Variants in MTMR3 observed in about 807,000 individuals in gnomAD.
The protein encoded by MTMR3 is phosphatidylinositol-3,5-bisphosphate 3-phosphatase MTMR3.
A neutral mutation model predicts 132.4 loss-of-function variants in MTMR3; 32 were observed. That is an observed-to-expected ratio of 0.24 (90% CI 0.18 to 0.32). The LOEUF (loss-of-function observed/expected upper bound fraction) is 0.32, where lower values mean the gene tolerates loss of function less well. Among genes scored for constraint, MTMR3 ranks in the 10% least tolerant of loss-of-function variants. The probability of loss-of-function intolerance (pLI) is 1.00; values close to 1 mark genes in which losing one functional copy is unlikely to be tolerated. For missense variants in MTMR3, 1,216 were observed against 1,489.6 expected (o/e 0.82, Z 3.02); for synonymous variants, 556 against 550.3 (o/e 1.01, Z -0.14).
At chr22:29,969,427 C>T (rs1177527930) in intron 2 of MTMR3, among the ~76,000 whole-genome samples, 1 of 152,198 alleles carries the variant, frequency 6.6e-6, no homozygotes, top group East Asian at 1.9e-4. Flanking sequence ...TATATTGTCT[C>T]TTGCTGGGGT....
At chr22:29,949,509 C>CCAAAA (rs1555902916) in intron 1 of MTMR3, among the ~76,000 whole-genome samples, 1 of 124,582 alleles carries the variant, frequency 8.0e-6, no homozygotes, top group African/African-American at 3.1e-5. Context: ...CGCCCCCCCC[C>CCAAAA]AAAAAAAAAA....
chr22:30,002,805 GTC>G (rs534905247), intron 8 of MTMR3, 73 bp from the exon 9 acceptor site: 2,678 of 1,076,242 alleles, frequency 2.5e-3, no homozygotes, highest in South Asian at 3.2e-3. Context: ...CTCACCTAGT[GTC>G]TCTCTCTCTC....
chr22:29,939,538 C>T (rs1453925058), intron 1 of MTMR3, among the ~76,000 whole-genome samples: 3 of 152,160 alleles, frequency 2.0e-5, no homozygotes, highest in African/African-American at 7.2e-5. Flanking sequence ...TGCTTGTTTT[C>T]CCAGTGGGTG....
At chr22:29,965,683 T>C (rs1042059340) in intron 2 of MTMR3, among the ~76,000 whole-genome samples, 1 of 152,144 alleles carries the variant, frequency 6.6e-6, no homozygotes, top group Non-Finnish European at 1.5e-5. Flanking sequence ...AGACTCTGTC[T>C]CAAAAACAAA....
At chr22:29,995,201 T>C (rs1024783887) in intron 7 of MTMR3, 2 of 152,298 alleles carry the variant, frequency 1.3e-5, no homozygotes, top group Admixed American at 1.3e-4. Context: ...TGCCTATTTA[T>C]CTGTCTTCCG....
chr22:29,931,045 C>G (rs2065633997), intron 1 of MTMR3, among the ~76,000 whole-genome samples: 1 of 151,314 alleles, frequency 6.6e-6, no homozygotes, highest in Non-Finnish European at 1.5e-5. Flanking sequence ...TAAAAATGAC[C>G]TAACTTTGAG....
chr22:29,998,727 T>G, intron 7 of MTMR3, 34 bp from the exon 8 acceptor site: 1 of 1,546,272 alleles, frequency 6.5e-7, no homozygotes, highest in Non-Finnish European at 8.8e-7. Context: ...TGGTATTCAT[T>G]TCTTCCTTTC....
intron 7 of MTMR3, chr22:29,993,914 GA>G (rs1456674648): frequency 6.3e-6 from 1 of 158,374 alleles, no homozygotes; most frequent in Non-Finnish European, 1.4e-5. Context: ...ACTGACTTAG[GA>G]ATTAGGAAAC....
intron 1 of MTMR3, among the ~76,000 whole-genome samples, chr22:29,924,208 A>G (rs949793090): frequency 5.3e-5 from 8 of 152,212 alleles, no homozygotes; most frequent in African/African-American, 1.9e-4. Flanking sequence ...TTTTTAAATT[A>G]ACTCATGTTA....
At chr22:29,991,449 C>G (rs761500725) in intron 6 of MTMR3, 55 bp from the exon 7 acceptor site, 143 of 1,503,026 alleles carry the variant, frequency 9.5e-5, no homozygotes, top group Non-Finnish European at 1.2e-4. Context: ...GCTTTTCTTA[C>G]ATTTCATTTC....
intron 1 of MTMR3, among the ~76,000 whole-genome samples, chr22:29,910,834 T>C (rs1003175159): frequency 1.3e-5 from 2 of 152,112 alleles, no homozygotes; most frequent in Non-Finnish European, 2.9e-5. Context: ...TTATTCATTA[T>C]GAAGAGAAAC....
intron 1 of MTMR3, among the ~76,000 whole-genome samples, chr22:29,910,221 G>A (rs1180666953): frequency 1.3e-5 from 2 of 151,964 alleles, no homozygotes; most frequent in Non-Finnish European, 2.9e-5. Flanking sequence ...ACACACCACT[G>A]AATGTAGGTC....
chr22:29,921,299 C>G (rs113424604), intron 1 of MTMR3, among the ~76,000 whole-genome samples: 1 of 152,046 alleles, frequency 6.6e-6, no homozygotes, highest in African/African-American at 2.4e-5. Context: ...CCAGTTCTCA[C>G]GTGAACTAAT....
At chr22:29,884,382 T>C (rs753182930) in intron 1 of MTMR3, among the ~76,000 whole-genome samples, 79 of 152,096 alleles carry the variant, frequency 5.2e-4, no homozygotes, top group Non-Finnish European at 8.1e-4. Flanking sequence ...ATTATTATTA[T>C]TTTTTTCAAT....
chr22:30,019,702 A>G lies in MTMR3; in HGVS notation c.2043A>G (p.Ala681=). ...RVPGGAELSV[A]AGVAEGQMEN... is the part of the protein sequence containing the mutation. Reference sequence around the variant, plus strand: ...CGGGGGGTGCCGAGCTTTCTGTTGCAGCCGGAGTAGCTGAGGGGCAGATGG... The same window carrying G: ...CGGGGGGTGCCGAGCTTTCTGTTGCGGCCGGAGTAGCTGAGGGGCAGATGG... The change falls in exon 17 of 20, where the codon GCA becomes GCG. Residue 681 remains alanine (A), a synonymous_variant. Coordinates refer to ENST00000401950, the MANE Select transcript of MTMR3 (RefSeq NM_021090.4). The G allele has an allele frequency of 6.2e-7, 1 of 1,614,198 alleles. No homozygotes were observed. Among genetic ancestry groups the G allele is most frequent in the Non-Finnish European group, 8.5e-7 (1 of 1,180,034 alleles).
intron 1 of MTMR3, among the ~76,000 whole-genome samples, chr22:29,924,992 A>C (rs2065486632): frequency 6.6e-6 from 1 of 152,186 alleles, no homozygotes; most frequent in African/African-American, 2.4e-5. Flanking sequence ...AGGCTTTTAA[A>C]ATGTTTGGCA....
chr22:30,022,062 C>G lies in MTMR3; in HGVS notation c.3259C>G (p.Gln1087Glu), dbSNP rs753201874. 2 of 1,614,194 alleles carry G rather than the reference C, an allele frequency of 1.2e-6. No homozygotes were observed. The highest frequency in any genetic ancestry group is 1.7e-5 in the Admixed American group (1 of 60,032). ...SIPDSESNLD[Q>E]NCLSRCSTEI... ...CCCCGACTCGGAAAGCAATCTGGAT[C>G]AGAACTGTTTGTCTCGCTGCAGCAC... The change falls in exon 18 of 20, where the codon CAG (glutamine) becomes GAG (glutamate). Residue 1087 changes from glutamine (Q) to glutamate (E), a missense_variant. Around this residue, in one of 7 missense-constraint regions of MTMR3, gnomAD observed 852 missense variants for 852.0 expected, o/e 1.00. Coordinates refer to ENST00000401950, the MANE Select transcript of MTMR3 (RefSeq NM_021090.4).
Position 30,022,115 on chromosome 22 carries a change from G to A in MTMR3, c.3312G>A (p.Glu1104=), listed in dbSNP as rs1156833176. 6.2e-7 allele frequency: 1 copy of A among 1,614,004 alleles called. No homozygotes were observed. Among genetic ancestry groups the A allele is most frequent in the South Asian group, 1.1e-5 (1 of 91,076 alleles). The part of the protein sequence containing the change: ...STEIFSEASW[E]QVDKQDTEMT... ...AGATTTTCTCTGAAGCCAGCTGGGA[G>A]CAGGTGGATAAACAGGACACAGAGG... The change falls in exon 18 of 20, where the codon GAG becomes GAA. Residue 1104 remains glutamate, a synonymous_variant. Coordinates refer to ENST00000401950, the MANE Select transcript of MTMR3 (RefSeq NM_021090.4).
At chr22:29,988,221 C>T (rs2066894948) in intron 5 of MTMR3, 2 of 267,418 alleles carry the variant, frequency 7.5e-6, no homozygotes, top group South Asian at 1.8e-4. Context: ...ATATATTCTC[C>T]CCTTCTTCCA....
Sources: allele counts gnomAD v4.1 joint callset (sites outside exome capture counted in the v4.1 genomes callset), GRCh38; gene constraint gnomAD v4.1.1; regional missense constraint gnomAD v4.1.1; transcripts MANE v1.5; gene names NCBI Gene and HGNC (gene_info 2026-07-23, HGNC 2026-07-21).